HYLS1: variants seen among roughly 807,000 people sequenced by gnomAD.
HYLS1 encodes centriolar and ciliogenesis-associated protein HYLS1.
In HYLS1, 25 loss-of-function variants were observed where a neutral mutation model predicts 29.4. The observed-to-expected ratio is 0.85, with a 90% CI of 0.62 to 1.19. The LOEUF (loss-of-function observed/expected upper bound fraction) is 1.19. HYLS1 is among the 50% of genes most tolerant of loss of function. The probability of loss-of-function intolerance (pLI) is 0.00; values close to 1 mark genes in which losing one functional copy is unlikely to be tolerated. For synonymous variants in HYLS1, 128 were observed against 126.7 expected, an observed-to-expected ratio of 1.01 and a Z score of -0.07; for missense variants, 352 against 365.1, an observed-to-expected ratio of 0.96 and a Z score of 0.29.
upstream of HYLS1, among the ~76,000 whole-genome samples, chr11:125,884,337 C>T (rs766586905): frequency 1.1e-4 from 16 of 152,190 alleles, no homozygotes; most frequent in South Asian, 2.1e-4. Flanking sequence ...TGGCCGGGCG[C>T]GGTGGCGGGT....
chr11:125,895,640 G>C, intron 2 of HYLS1: 1 of 1,614,234 alleles, frequency 6.2e-7, no homozygotes, highest in Non-Finnish European at 8.5e-7. Flanking sequence ...CAGGGGCCCA[G>C]GCCAATATAC....
intron 2 of HYLS1, among the ~76,000 whole-genome samples, chr11:125,893,016 G>GT: frequency 6.6e-6 from 1 of 152,294 alleles, no homozygotes; most frequent in African/African-American, 2.4e-5. Context: ...ATTTAAAGTG[G>GT]TTCTTTATCC....
At chr11:125,889,245 G>A (rs998122369) in intron 1 of HYLS1, among the ~76,000 whole-genome samples, 7 of 152,228 alleles carry the variant, frequency 4.6e-5, no homozygotes, top group South Asian at 4.2e-4. Context: ...TGGCTGTATT[G>A]TATCATATAT....
intron 1 of HYLS1, among the ~76,000 whole-genome samples, chr11:125,890,726 T>A (rs1260070830): frequency 2.0e-5 from 3 of 152,230 alleles, no homozygotes; most frequent in Non-Finnish European, 4.4e-5. Context: ...TGTGAAAGTT[T>A]CCCTCTAAAG....
chr11:125,895,385 A>G, intron 2 of HYLS1: 1 of 1,614,222 alleles, frequency 6.2e-7, no homozygotes, highest in Admixed American at 1.7e-5. Flanking sequence ...ATAACTGGAA[A>G]GGTTCTTGCC....
chr11:125,894,570 T>C (rs1944517057), intron 2 of HYLS1, among the ~76,000 whole-genome samples: 1 of 152,208 alleles, frequency 6.6e-6, no homozygotes, highest in African/African-American at 2.4e-5. Context: ...AAACAGCTGG[T>C]ATTTTTTCCA....
At chr11:125,899,174 G>A (rs768183639) in intron 2 of HYLS1, 170 bp from the exon 3 acceptor site, 28 of 589,392 alleles carry the variant, frequency 4.8e-5, no homozygotes, top group Non-Finnish European at 6.3e-5. Flanking sequence ...AGATTCCCTA[G>A]AACTGAGTTA....
At chr11:125,893,697 C>T (rs1944477896) in intron 2 of HYLS1, 3 of 1,042,078 alleles carry the variant, frequency 2.9e-6, no homozygotes, top group Admixed American at 2.7e-5. Context: ...CATCTGAATT[C>T]CTAGTACTTG....
chr11:125,895,686 G>C (rs769426762), intron 2 of HYLS1: 54 of 1,614,034 alleles, frequency 3.3e-5, no homozygotes, highest in Non-Finnish European at 4.5e-5. Flanking sequence ...GAGAATGTGG[G>C]TATAACGGAT....
chr11:125,900,509 T>G lies in HYLS1; in HGVS notation c.*241T>G. On this transcript the variant is annotated 3_prime_UTR_variant, in exon 3 of 3. Coordinates refer to ENST00000425380, the MANE Select transcript of HYLS1 (RefSeq NM_001134793.2). Reference sequence around the variant, plus strand: ...AGAGAAAGAACAACAGACCTGGTCTTTCTATTTTGTCAAATTAGTAAGGGC... The same window carrying G: ...AGAGAAAGAACAACAGACCTGGTCTGTCTATTTTGTCAAATTAGTAAGGGC... 2.0e-6 allele frequency: 1 copy of G among 504,208 alleles called. No homozygotes were observed. Among genetic ancestry groups the G allele is most frequent in the Non-Finnish European group, 3.7e-6 (1 of 271,726 alleles). The allele number at this position is 504,208 out of a possible 1,614,324, so 31.2% of individuals were successfully genotyped here.
At chr11:125,884,376 G>A (rs575474062), upstream of HYLS1, among the ~76,000 whole-genome samples, 17 of 152,200 alleles carry the variant, frequency 1.1e-4, no homozygotes, top group South Asian at 4.1e-4. Context: ...TTGGGAGGCC[G>A]AGGTGGGCGG....
upstream of HYLS1, among the ~76,000 whole-genome samples, chr11:125,885,189 C>A (rs193263850): frequency 5.3e-5 from 8 of 152,236 alleles, no homozygotes; most frequent in African/African-American, 1.9e-4. Flanking sequence ...CAGTGGCTCA[C>A]GCTGGAAATC....
chr11:125,890,341 A>G (rs1247100364), intron 1 of HYLS1, among the ~76,000 whole-genome samples: 1 of 152,108 alleles, frequency 6.6e-6, no homozygotes, highest in Admixed American at 6.5e-5. Context: ...GAGGAATTCA[A>G]ATTACTGATT....
In HYLS1 at chr11:125,900,144, A is replaced by G; in HGVS notation, c.776A>G (p.Tyr259Cys). The change falls in exon 3 of 3, where the codon TAT becomes TGT. Residue 259 changes from tyrosine to cysteine, a missense_variant. By Grantham distance (194) the Tyr-to-Cys change is radical. Coordinates refer to ENST00000425380, the MANE Select transcript of HYLS1 (RefSeq NM_001134793.2). ...AEPQSKPQHIYVPNNYLVPTE... is the reference protein window; with the variant it reads ...AEPQSKPQHICVPNNYLVPTE... ...CCCCAATCCAAACCTCAGCATATATATGTCCCAAACAATTATCTAGTACCA... is the reference window on the plus strand; with the variant it reads ...CCCCAATCCAAACCTCAGCATATATGTGTCCCAAACAATTATCTAGTACCA... The G allele has an allele frequency of 6.2e-7, 1 of 1,614,182 alleles. No individual in the cohort carries two copies. The highest frequency in any genetic ancestry group is 8.5e-7 in the Non-Finnish European group (1 of 1,180,026).
intron 2 of HYLS1, chr11:125,895,719 T>C: frequency 1.2e-6 from 2 of 1,613,404 alleles, no homozygotes; most frequent in Non-Finnish European, 8.5e-7. Context: ...AGCATTAGCC[T>C]CCTCTTTTAC....
At chr11:125,892,580 A>G (rs1368663924) in intron 2 of HYLS1, among the ~76,000 whole-genome samples, 1 of 152,136 alleles carries the variant, frequency 6.6e-6, no homozygotes, top group African/African-American at 2.4e-5. Flanking sequence ...AAGCCTCCCT[A>G]GTTTTGAACA....
chr11:125,899,808 C>T lies in HYLS1; in HGVS notation c.440C>T (p.Ser147Leu), dbSNP rs780414948. 3.7e-6 allele frequency: 6 copies of T among 1,614,198 alleles called. No individual in the cohort carries two copies. Among genetic ancestry groups the T allele is most frequent in the Non-Finnish European group, 4.2e-6 (5 of 1,180,016 alleles). Residue 147 changes from serine (S) to leucine (L), a missense_variant, in exon 3 of 3, where the codon TCA becomes TTA. Ser to Leu is a moderately radical substitution (Grantham distance 145, BLOSUM62 -2). Transcript: ENST00000425380. ...NVQFQEDKES[S>L]FDVSQKFNLP... ...CAGTTCCAGGAAGACAAGGAATCTT[C>T]ATTTGATGTTTCACAAAAATTTAAC... is the stretch of plus-strand genomic sequence containing the variant.
chr11:125,898,096 T>C (rs749499906), intron 2 of HYLS1, among the ~76,000 whole-genome samples: 5 of 152,048 alleles, frequency 3.3e-5, no homozygotes, highest in Non-Finnish European at 7.4e-5. Context: ...CTTTACGGTA[T>C]TAAAAAAAAA....
In HYLS1 at chr11:125,893,829, T is replaced by C. The variant is rs1412207372; in HGVS notation, c.-26+2357T>C. The C allele has an allele frequency of 7.4e-6, 12 of 1,613,920 alleles. No individual in the cohort carries two copies. Among genetic ancestry groups the C allele is most frequent in the Middle Eastern group, 1.6e-4 (1 of 6,084 alleles). Reference sequence around the variant, plus strand: ...TCTGTGTCAACACAGACCCTCTTCGTTGGTGTCTCCAAATTAGTATTCTCT... The same window carrying C: ...TCTGTGTCAACACAGACCCTCTTCGCTGGTGTCTCCAAATTAGTATTCTCT... On this transcript the variant is annotated intron_variant, in intron 2 of 2. Transcript: ENST00000425380.
Sources: gnomAD v4.1 joint callset for allele counts (sites outside exome capture counted in the v4.1 genomes callset) on GRCh38, gnomAD v4.1.1 for gene constraint, MANE v1.5 for transcripts, NCBI Gene and HGNC (gene_info 2026-07-23, HGNC 2026-07-21) for gene names.